Variants in ST6GAL1 observed in about 807,000 individuals in gnomAD.
The protein encoded by ST6GAL1 is beta-galactoside alpha-2,6-sialyltransferase 1.
ST6GAL1 carries 20 observed loss-of-function variants against 38.0 expected under a neutral mutation model. That is an observed-to-expected ratio of 0.53 (90% CI 0.37 to 0.77). The LOEUF (loss-of-function observed/expected upper bound fraction) is 0.77, where lower values mean the gene tolerates loss of function less well. ST6GAL1 is among the 30% of genes least tolerant of loss of function. ST6GAL1 has a pLI of 0.00. For missense variants in ST6GAL1, 432 were observed against 496.4 expected, an observed-to-expected ratio of 0.87 and a Z score of 1.23; for synonymous variants, 196 against 188.2, an observed-to-expected ratio of 1.04 and a Z score of -0.34.
At chr3:186,943,057 C>T (rs1714233900) in intron 1 of ST6GAL1, among the ~76,000 whole-genome samples, 1 of 152,152 alleles carries the variant, frequency 6.6e-6, no homozygotes, top group Non-Finnish European at 1.5e-5. Flanking sequence ...TCTGTTGCTT[C>T]CAGAGCTTAG....
At chr3:187,047,100 C>CA (rs1385409692) in intron 4 of ST6GAL1, among the ~76,000 whole-genome samples, 3 of 152,106 alleles carry the variant, frequency 2.0e-5, no homozygotes, top group African/African-American at 7.2e-5. Flanking sequence ...TGCCTGCCAC[C>CA]ACGCCTGGCT....
At chr3:186,956,647 A>G (rs540079972) in intron 1 of ST6GAL1, among the ~76,000 whole-genome samples, 2 of 152,342 alleles carry the variant, frequency 1.3e-5, no homozygotes, top group African/African-American at 2.4e-5. Flanking sequence ...GTCTTTCTGC[A>G]TAAACTTAAG....
At chr3:187,041,120 G>C (rs1412818253) in intron 3 of ST6GAL1, among the ~76,000 whole-genome samples, 1 of 152,160 alleles carries the variant, frequency 6.6e-6, no homozygotes, top group African/African-American at 2.4e-5. Context: ...TGCTTATCTA[G>C]TTCAAATCCA....
At chr3:186,965,742 G>A (rs1715088988) in intron 2 of ST6GAL1, among the ~76,000 whole-genome samples, 1 of 152,166 alleles carries the variant, frequency 6.6e-6, no homozygotes, top group Non-Finnish European at 1.5e-5. Context: ...GGCAGGGAAC[G>A]TGGTGGGTGG....
chr3:187,045,898 T>C (rs1718277788), intron 4 of ST6GAL1, among the ~76,000 whole-genome samples: 1 of 152,154 alleles, frequency 6.6e-6, no homozygotes, highest in Admixed American at 6.5e-5. Context: ...CAAATAATCC[T>C]GTTTGGACGG....
chr3:187,014,679 T>A (rs1454438894), intron 2 of ST6GAL1, among the ~76,000 whole-genome samples: 1 of 152,230 alleles, frequency 6.6e-6, no homozygotes, highest in Non-Finnish European at 1.5e-5. Flanking sequence ...TTGCAATACA[T>A]TCCTGGGCAA....
At chr3:186,977,615 A>G (rs1404293717) in intron 2 of ST6GAL1, among the ~76,000 whole-genome samples, 3 of 152,166 alleles carry the variant, frequency 2.0e-5, no homozygotes, top group Admixed American at 2.0e-4. Context: ...GCGGAAGGCA[A>G]CTTGGAAGGA....
chr3:187,058,318 C>T (rs1488814641), intron 5 of ST6GAL1, among the ~76,000 whole-genome samples: 19 of 152,146 alleles, frequency 1.2e-4, no homozygotes, highest in Admixed American at 1.2e-3. Flanking sequence ...TCCAACCAGT[C>T]CCAATGATAT....
At chr3:187,050,561 G>GAGAGAGA (rs1560176740) in intron 4 of ST6GAL1, among the ~76,000 whole-genome samples, 2 of 69,980 alleles carry the variant, frequency 2.9e-5, no homozygotes, top group South Asian at 9.1e-4. Context: ...AGAGAGAGAG[G>GAGAGAGA]GAGGGAGGGA....
chr3:186,939,506 G>T (rs1174436822), intron 1 of ST6GAL1, among the ~76,000 whole-genome samples: 1 of 152,164 alleles, frequency 6.6e-6, no homozygotes, highest in Non-Finnish European at 1.5e-5. Flanking sequence ...ACCCCTTAAT[G>T]GATTTATGCT....
At chr3:187,041,815 G>A (rs1239168864) in intron 3 of ST6GAL1, 1 of 152,206 alleles carries the variant, frequency 6.6e-6, no homozygotes, top group Non-Finnish European at 1.5e-5. Context: ...TATGCTATGC[G>A]TGGTGCCCCC....
intron 1 of ST6GAL1, among the ~76,000 whole-genome samples, chr3:186,933,335 CCT>C: frequency 6.6e-6 from 1 of 152,162 alleles, no homozygotes. Context: ...CCCGGTGTCC[CCT>C]CTCTGCTGAA....
intron 4 of ST6GAL1, among the ~76,000 whole-genome samples, chr3:187,050,396 C>T (rs1276833603): frequency 2.6e-5 from 4 of 152,170 alleles, no homozygotes; most frequent in Admixed American, 6.5e-5. Context: ...GGTAGAGAAA[C>T]TTTTCCAAGT....
chr3:187,015,828 C>T (rs1717096705), intron 2 of ST6GAL1, among the ~76,000 whole-genome samples: 1 of 151,864 alleles, frequency 6.6e-6, no homozygotes, highest in African/African-American at 2.4e-5. Context: ...GACACAGTGA[C>T]AACTTGTCTC....
At chr3:187,020,761 A>C (rs1381348171) in intron 2 of ST6GAL1, among the ~76,000 whole-genome samples, 1 of 152,192 alleles carries the variant, frequency 6.6e-6, no homozygotes, top group Non-Finnish European at 1.5e-5. Flanking sequence ...GCTTAGAGAA[A>C]ACACAAACCC....
At chr3:187,043,349 T>C in intron 4 of ST6GAL1, 39 bp downstream of exon 4, 1 of 1,580,354 alleles carries the variant, frequency 6.3e-7, no homozygotes, top group South Asian at 1.2e-5. Context: ...CAGTGCTTAT[T>C]GGGACTGGCT....
chr3:186,996,502 TCA>T (rs370979828), intron 2 of ST6GAL1: 59 of 152,290 alleles, frequency 3.9e-4, no homozygotes, highest in Middle Eastern at 3.4e-3. Context: ...GCTTCTTCTC[TCA>T]CAAGCCTCTG....
chr3:186,932,498 A>G (rs1713794080), intron 1 of ST6GAL1, among the ~76,000 whole-genome samples: 1 of 152,266 alleles, frequency 6.6e-6, no homozygotes, highest in Non-Finnish European at 1.5e-5. Context: ...AAATAGATTT[A>G]GTAATTCCTT....
At chr3:186,966,848 C>G (rs760786986) in intron 2 of ST6GAL1, among the ~76,000 whole-genome samples, 62 of 152,164 alleles carry the variant, frequency 4.1e-4, no homozygotes, top group Non-Finnish European at 1.3e-4. Flanking sequence ...GGGGAGCGCA[C>G]AAAGACAGAT....
Sources: gnomAD v4.1 joint callset for allele counts (sites outside exome capture counted in the v4.1 genomes callset) on GRCh38, gnomAD v4.1.1 for gene constraint, MANE v1.5 for transcripts, NCBI Gene and HGNC (gene_info 2026-07-23, HGNC 2026-07-21) for gene names.